Variants in DDX23 observed in about 807,000 individuals in gnomAD.
DDX23 encodes the protein DEAD-box helicase 23, also known as probable ATP-dependent RNA helicase DDX23.
DDX23 carries 33 observed loss-of-function variants against 102.7 expected under a neutral mutation model. The observed-to-expected ratio is 0.32, with a 90% CI of 0.24 to 0.43. The LOEUF is 0.43. DDX23 is among the 20% of genes least tolerant of loss of function. The pLI is 1.00. For synonymous variants in DDX23, 352 were observed against 376.0 expected, an observed-to-expected ratio of 0.94 and a Z score of 0.74; for missense variants, 549 against 1,086.6, an observed-to-expected ratio of 0.51 and a Z score of 6.96.
chr12:48,838,839 C>T (rs1938502772), intron 5 of DDX23, among the ~76,000 whole-genome samples: 1 of 151,946 alleles, frequency 6.6e-6, no homozygotes, highest in African/African-American at 2.4e-5. Context: ...GGCAACGGGG[C>T]GAGACTCCAT....
In DDX23 at chr12:48,837,901, T is replaced by TC. The variant is rs1938487600; in HGVS notation, c.619+40dup. On this transcript the variant is annotated intron_variant, in intron 6 of 16. Coordinates refer to ENST00000308025, the MANE Select transcript of DDX23 (RefSeq NM_004818.3). Reference sequence around the variant, plus strand: ...AGACACTGTATCTCATCCCACTCTTTCCTCTTCCATCTAGGGGCTACACAG... The same window carrying TC: ...AGACACTGTATCTCATCCCACTCTTTCCCTCTTCCATCTAGGGGCTACACAG... 3 of 1,611,472 alleles carry TC rather than the reference T, an allele frequency of 1.9e-6. No homozygotes were observed. In the African/African-American group the frequency reaches 4.0e-5, roughly 21 times the overall value.
chr12:48,840,679 A>C (rs912146289), intron 3 of DDX23, among the ~76,000 whole-genome samples: 1 of 151,508 alleles, frequency 6.6e-6, no homozygotes, highest in Non-Finnish European at 1.5e-5. Flanking sequence ...CAGCCTCCTG[A>C]GTAGCTGGGA....
rs752514468 is a variant in DDX23 at position 48,832,388 on chromosome 12, C to T, written c.1955+34G>A. ...AAGTTCTCAGAGCCATTTTATTCTCCACCCTGTTTCCCCTGGCTCAGCTGC... is the reference window on the plus strand; with the variant it reads ...AAGTTCTCAGAGCCATTTTATTCTCTACCCTGTTTCCCCTGGCTCAGCTGC... On this transcript the variant is annotated intron_variant, in intron 14 of 16. Transcript: ENST00000308025. The surrounding 1 kb of genome is among the most constrained non-coding windows in gnomAD (Gnocchi z 4.4). The T allele has an allele frequency of 3.7e-6, 6 of 1,604,144 alleles. No individual in the cohort carries two copies. Among genetic ancestry groups the T allele is most frequent in the Non-Finnish European group, 5.1e-6 (6 of 1,172,280 alleles).
chr12:48,833,127 G>T, intron 13 of DDX23, 150 bp downstream of exon 13: 1 of 1,167,948 alleles, frequency 8.6e-7, no homozygotes, highest in Non-Finnish European at 1.2e-6. Context: ...GGCACCACAG[G>T]TGTGCACCAC....
intron 3 of DDX23, 52 bp downstream of exon 3, chr12:48,843,888 A>G: frequency 6.3e-7 from 1 of 1,584,276 alleles, no homozygotes; most frequent in Non-Finnish European, 8.7e-7. Context: ...ACTCAGGTGC[A>G]GAGAAGAAAT....
rs1938409333 is a variant in DDX23 at position 48,832,716 on chromosome 12, G to A, written c.1804-143C>T. The A allele has an allele frequency of 9.5e-7, 1 of 1,047,518 alleles. No individual in the cohort carries two copies. Among genetic ancestry groups the A allele is most frequent in the Non-Finnish European group, 1.3e-6 (1 of 751,478 alleles). 64.9% of individuals were successfully genotyped at this position (1,047,518 alleles called of 1,614,324 possible). On this transcript the variant is annotated intron_variant, in intron 13 of 16. Coordinates refer to ENST00000308025, the MANE Select transcript of DDX23 (RefSeq NM_004818.3). This position sits in a 1 kb window ranked among gnomAD's most constrained non-coding sequence, Gnocchi z 4.4. ...GATAGCCACCACCTTAGAAAATAGT[G>A]TCCTCTGAATTCCCATCCTTCCTGA...
rs970596066 is a variant in DDX23, at chr12:48,852,150, C to T, written c.-67G>A. ...GAGCCGTCGCCATCTTTCCCGTTTC[C>T]TGGTCGCGGAGATGAACACCCCCCA... On this transcript the variant is annotated 5_prime_UTR_variant, in exon 1 of 17. Transcript: ENST00000308025. 6 of 152,698 alleles carry T rather than the reference C, an allele frequency of 3.9e-5. No homozygotes were observed. The highest frequency in any genetic ancestry group is 1.4e-4 in the African/African-American group (6 of 41,474). 9.5% of individuals were successfully genotyped at this position (152,698 alleles called of 1,614,324 possible).
At position 48,837,224 on chromosome 12, in the gene DDX23, A is replaced by G. The variant is rs1156366419; in HGVS notation, c.866+57T>C. On this transcript the variant is annotated intron_variant, in intron 8 of 16. Coordinates refer to ENST00000308025, the MANE Select transcript of DDX23 (RefSeq NM_004818.3). ...TACTTCCTCCACCTCCGTAGTCATC[A>G]GCTCTCTAGGACTGCCTAGTGGAAA... The G allele has an allele frequency of 2.5e-6, 4 of 1,581,080 alleles. No individual in the cohort carries two copies. The African/African-American group carries it at 5.4e-5, about 21-fold the overall frequency.
At chr12:48,840,855 CCTT>C (rs1010181039) in intron 3 of DDX23, among the ~76,000 whole-genome samples, 4 of 151,838 alleles carry the variant, frequency 2.6e-5, no homozygotes, top group South Asian at 4.2e-4. Flanking sequence ...GCCTGGCCCT[CCTT>C]AACTCTTTAA....
intron 3 of DDX23, among the ~76,000 whole-genome samples, chr12:48,843,191 A>G (rs1198332171): frequency 6.7e-6 from 1 of 149,832 alleles, no homozygotes; most frequent in Non-Finnish European, 1.5e-5. Context: ...GCCTAGGAAA[A>G]CCAGAGACCT....
In DDX23 at chr12:48,836,551, C is replaced by A; in HGVS notation, c.1236+18G>T. On this transcript the variant is annotated intron_variant, in intron 10 of 16. Coordinates refer to ENST00000308025, the MANE Select transcript of DDX23 (RefSeq NM_004818.3). The surrounding 1 kb of genome is among the most constrained non-coding windows in gnomAD (Gnocchi z 6.1). ...TAGGAACATGTCAGATCTCTTGGGC[C>A]AATCTATCCCTCCTTACCTTGTAGC... 1 of 1,607,916 alleles carries A rather than the reference C, an allele frequency of 6.2e-7. No individual in the cohort carries two copies. Among genetic ancestry groups the A allele is most frequent in the African/African-American group, 1.3e-5 (1 of 74,876 alleles).
At chr12:48,843,623 ACTGCAGGCTCCGC>A (rs1229883691) in intron 3 of DDX23, among the ~76,000 whole-genome samples, 1 of 139,584 alleles carries the variant, frequency 7.2e-6, no homozygotes, top group Non-Finnish European at 1.5e-5. Flanking sequence ...ATCTCGACTC[ACTGCAGGCTCCGC>A]CTCCCGGGTT....
Position 48,837,010 on chromosome 12 carries a change from C to T in DDX23, c.894G>A (p.Leu298=), listed in dbSNP as rs747710462. 3 of 1,614,056 alleles carry T rather than the reference C, an allele frequency of 1.9e-6. No homozygotes were observed. In the South Asian group the frequency reaches 3.3e-5, roughly 18 times the overall value. ...PLYKERHQVQ[L]LGRGFIAGID... ...TGCCTGCAATGAAGCCTCGCCCTAACAACTGCACCTGGTGCCGTTCTTTGT... is the reference window on the plus strand; with the variant it reads ...TGCCTGCAATGAAGCCTCGCCCTAATAACTGCACCTGGTGCCGTTCTTTGT... Residue 298 remains leucine (L), a synonymous_variant, in exon 9 of 17, where the codon TTG becomes TTA. Coordinates refer to ENST00000308025, the MANE Select transcript of DDX23 (RefSeq NM_004818.3).
chr12:48,844,891 G>A (rs1411172615), intron 2 of DDX23, among the ~76,000 whole-genome samples: 2 of 151,538 alleles, frequency 1.3e-5, no homozygotes, highest in Admixed American at 6.6e-5. Flanking sequence ...GGTGGCTCAC[G>A]CCCGTAATCC....
rs1938358467 is a variant in DDX23, at chr12:48,830,020, ACTGT to A, written c.*445_*448del. On this transcript the variant is annotated 3_prime_UTR_variant, in exon 17 of 17. Transcript: ENST00000308025. The surrounding 1 kb of genome is among the most constrained non-coding windows in gnomAD (Gnocchi z 4.9). ...GCTGTCCAGATGACAGTAAGATTCC[ACTGT>A]CTGTAATCCTCATGGTGCCAGGTCT... is the stretch of plus-strand genomic sequence containing the variant. 8.3e-6 allele frequency: 3 copies of A among 362,108 alleles called. No individual in the cohort carries two copies. The Admixed American group carries it at 1.1e-4, about 14-fold the overall frequency. 22.4% of individuals were successfully genotyped at this position (362,108 alleles called of 1,614,324 possible). A position where few individuals can be genotyped will look rare whatever the true frequency, so the allele number is the denominator to read the frequency against.
rs1174399237 is a variant in DDX23, at chr12:48,830,063, G to A, written c.*406C>T. ...GGTGCCAGGTCTCCTGGGGCATCTA[G>A]GGCAATGATGCTACTGCAGTTTATG... On this transcript the variant is annotated 3_prime_UTR_variant, in exon 17 of 17. Transcript: ENST00000308025. The surrounding 1 kb of genome is among the most constrained non-coding windows in gnomAD (Gnocchi z 4.9). The A allele has an allele frequency of 8.0e-6, 3 of 374,072 alleles. No individual in the cohort carries two copies. The highest frequency in any genetic ancestry group is 4.0e-5 in the South Asian group (2 of 49,726). The allele number at this position is 374,072 out of a possible 1,614,324, so 23.2% of individuals were successfully genotyped here. A position where few individuals can be genotyped will look rare whatever the true frequency, so the allele number is the denominator to read the frequency against.
chr12:48,843,706 G>A (rs1340925013), intron 3 of DDX23, among the ~76,000 whole-genome samples: 1 of 151,758 alleles, frequency 6.6e-6, no homozygotes, highest in Non-Finnish European at 1.5e-5. Context: ...CCGCCACCAC[G>A]CCCGGCTAAT....
chr12:48,835,242 A>G, intron 11 of DDX23: 1 of 197,266 alleles, frequency 5.1e-6, no homozygotes. Context: ...ACTCCATCTC[A>G]AAAAATAAAT....
Position 48,830,309 on chromosome 12 carries a change from G to A in DDX23, c.*160C>T, listed in dbSNP as rs1417403910. On this transcript the variant is annotated 3_prime_UTR_variant, in exon 17 of 17. Coordinates refer to ENST00000308025, the MANE Select transcript of DDX23 (RefSeq NM_004818.3). The surrounding 1 kb of genome is among the most constrained non-coding windows in gnomAD (Gnocchi z 4.9). The stretch of plus-strand genomic sequence containing the variant: ...GTCCTCTCCTTTTGCAGCCCCACAC[G>A]CAGGCCTCCTGACCTGAGGGTCTGG... 13 of 877,556 alleles carry A rather than the reference G, an allele frequency of 1.5e-5. No individual in the cohort carries two copies. Among genetic ancestry groups the A allele is most frequent in the East Asian group, 1.3e-4 (5 of 37,742 alleles). The allele number at this position is 877,556 out of a possible 1,614,324, so 54.4% of individuals were successfully genotyped here. A position where few individuals can be genotyped will look rare whatever the true frequency, so the allele number is the denominator to read the frequency against.
Sources: allele counts gnomAD v4.1 joint callset (sites outside exome capture counted in the v4.1 genomes callset), GRCh38; gene constraint gnomAD v4.1.1; non-coding constraint Gnocchi (gnomAD v3.1); transcripts MANE v1.5; gene names NCBI Gene and HGNC (gene_info 2026-07-23, HGNC 2026-07-21).